ATRNL1: variants seen among roughly 807,000 people sequenced by gnomAD.
The protein encoded by ATRNL1 is attractin-like protein 1.
Under a neutral mutation model 182.7 loss-of-function variants are expected in ATRNL1, and 95 were observed. That is an observed-to-expected ratio of 0.52 (90% CI 0.44 to 0.62). ATRNL1 has a LOEUF of 0.62. Ranked by LOEUF, ATRNL1 falls within the 20% of genes least tolerant of loss-of-function variation. The pLI is 0.00. For synonymous variants in ATRNL1, 576 were observed against 568.3 expected (o/e 1.01, Z -0.19); for missense variants, 1,471 against 1,679.5 (o/e 0.88, Z 2.17).
rs911946410 is a variant in ATRNL1 at position 115,620,109 on chromosome 10, C to G, written c.3795+70573C>G. Among the ~76,000 whole-genome samples the G allele has an allele frequency of 2.0e-5, 3 of 152,198 alleles. No individual in the cohort carries two copies. In the South Asian group the frequency reaches 6.2e-4, roughly 32 times the overall value. ...TTCTGCAGTCTGTAGACGTGTGACA[C>G]TAGCATCTGCTTCTGGTAAAGCCTC... On this transcript the variant is annotated intron_variant, in intron 26 of 28. Transcript: ENST00000355044.
In ATRNL1 at chr10:115,181,577, A is replaced by G. The variant is rs79355134; in HGVS notation, c.1348+10285A>G. Among the ~76,000 whole-genome samples the G allele has an allele frequency of 1.3e-3, 193 of 151,922 alleles. 3 individuals carry two copies. The East Asian group carries it at 0.036, about 28-fold the overall frequency. ...AAATGAAAGATACACTGTGGAATTT[A>G]AATGTTGTTATTTTCTGTGTTCTAA... On this transcript the variant is annotated intron_variant, in intron 8 of 28. Transcript: ENST00000355044.
rs1197538123 is a variant in ATRNL1, at chr10:115,340,471, C to CTTTTTTTTT, written c.3175+6056_3175+6057insTTTTTTTTT. On this transcript the variant is annotated intron_variant, in intron 19 of 28. Transcript: ENST00000355044. ...TCTTTCTTTTTTTTTCTTTTCTTTTCTTTTCTTTTTTTTTTTTTTTGGTGT... is the reference window on the plus strand; with the variant it reads ...TCTTTCTTTTTTTTTCTTTTCTTTTCTTTTTTTTTTTTTCTTTTTTTTTTTTTTTGGTGT... Among the ~76,000 whole-genome samples, 30 of 89,576 alleles carry CTTTTTTTTT rather than the reference C, an allele frequency of 3.3e-4. 1 individual carries two copies. The highest frequency in any genetic ancestry group is 5.5e-4 in the Non-Finnish European group (24 of 43,774). The allele number at this position is 89,576 out of a possible 152,430, so 58.8% of individuals were successfully genotyped here. A position where few individuals can be genotyped will look rare whatever the true frequency, so the allele number is the denominator to read the frequency against.
intron 28 of ATRNL1, among the ~76,000 whole-genome samples, chr10:115,881,072 G>A (rs1293524454): frequency 2.0e-5 from 3 of 152,172 alleles, no homozygotes; most frequent in Non-Finnish European, 4.4e-5. Context: ...TGCCCTCAAT[G>A]CGTGGCCTGT....
chr10:115,206,533 GT>G (rs1848802913), intron 8 of ATRNL1, among the ~76,000 whole-genome samples: 1 of 151,770 alleles, frequency 6.6e-6, no homozygotes, highest in African/African-American at 2.4e-5. Context: ...ATCTATATAG[GT>G]TATAAAGAAC....
intron 20 of ATRNL1, among the ~76,000 whole-genome samples, chr10:115,419,824 G>A (rs1845570498): frequency 6.6e-6 from 1 of 151,896 alleles, no homozygotes; most frequent in African/African-American, 2.4e-5. Context: ...TAATAGTAGG[G>A]GACTTCAACA....
Position 115,397,379 on chromosome 10 carries a change from A to G in ATRNL1, c.3269+2627A>G, listed in dbSNP as rs372864511. ...GGTTTTAAGTATTTAGTCAGATATC[A>G]TATCTTATATATTCTTAATAACCAT... On this transcript the variant is annotated intron_variant, in intron 20 of 28. Coordinates refer to ENST00000355044, the MANE Select transcript of ATRNL1 (RefSeq NM_207303.4). 8.5e-5 allele frequency among the ~76,000 whole-genome samples: 13 copies of G among 152,056 alleles called. No homozygotes were observed. In the South Asian group the frequency reaches 1.7e-3, roughly 19 times the overall value.
At chr10:115,458,245 T>C (rs782208098) in intron 21 of ATRNL1, among the ~76,000 whole-genome samples, 20 of 152,262 alleles carry the variant, frequency 1.3e-4, no homozygotes, top group Middle Eastern at 3.4e-3. Flanking sequence ...AAACACACCA[T>C]CATGATTTTT....
intron 28 of ATRNL1, among the ~76,000 whole-genome samples, chr10:115,931,389 T>A (rs1953389735): frequency 6.6e-6 from 1 of 152,216 alleles, no homozygotes; most frequent in African/African-American, 2.4e-5. Context: ...ATAAGTTTCT[T>A]TTCTTTATTT....
At chr10:115,505,034 GA>G (rs1182054768) in intron 24 of ATRNL1, among the ~76,000 whole-genome samples, 1 of 152,068 alleles carries the variant, frequency 6.6e-6, no homozygotes, top group African/African-American at 2.4e-5. Context: ...CAACTCAGGT[GA>G]AAATCAAATT....
intron 26 of ATRNL1, among the ~76,000 whole-genome samples, chr10:115,613,716 T>G (rs1857283100): frequency 6.6e-6 from 1 of 152,092 alleles, no homozygotes; most frequent in Non-Finnish European, 1.5e-5. Flanking sequence ...TTATATATGT[T>G]TGGGTTTTCT....
intron 10 of ATRNL1, among the ~76,000 whole-genome samples, chr10:115,258,209 A>G (rs1851240560): frequency 6.6e-6 from 1 of 152,082 alleles, no homozygotes; most frequent in Admixed American, 6.5e-5. Context: ...GTGTTTTCCA[A>G]CTTGGTTCCA....
chr10:115,590,373 T>C (rs1555011788), intron 26 of ATRNL1, among the ~76,000 whole-genome samples: 1 of 152,196 alleles, frequency 6.6e-6, no homozygotes, highest in East Asian at 1.9e-4. Flanking sequence ...TTTCTTTCTG[T>C]GTATTAACCT....
chr10:115,402,935 T>C (rs1487086032), intron 20 of ATRNL1, among the ~76,000 whole-genome samples: 1 of 152,132 alleles, frequency 6.6e-6, no homozygotes, highest in African/African-American at 2.4e-5. Context: ...TAATAGTAAA[T>C]TGTGAAATAA....
intron 22 of ATRNL1, among the ~76,000 whole-genome samples, chr10:115,463,127 A>T (rs1236639228): frequency 6.6e-6 from 1 of 151,874 alleles, no homozygotes. Flanking sequence ...GTCTAAATAT[A>T]TTAATACTAT....
intron 25 of ATRNL1, among the ~76,000 whole-genome samples, chr10:115,533,532 G>T (rs1851745588): frequency 6.6e-6 from 1 of 151,774 alleles, no homozygotes; most frequent in Non-Finnish European, 1.5e-5. Flanking sequence ...TATCAATTTT[G>T]TTGATCCTTT....
intron 26 of ATRNL1, among the ~76,000 whole-genome samples, chr10:115,627,983 A>T (rs1389716345): frequency 1.3e-5 from 2 of 151,742 alleles, no homozygotes; most frequent in Non-Finnish European, 2.9e-5. Flanking sequence ...CAGCTCTACT[A>T]AAAAAATACA....
Position 115,442,800 on chromosome 10 carries a change from A to G in ATRNL1, c.3322+16498A>G, listed in dbSNP as rs147247790. On this transcript the variant is annotated intron_variant, in intron 21 of 28. Coordinates refer to ENST00000355044, the MANE Select transcript of ATRNL1 (RefSeq NM_207303.4). ...CTTCTATTAATAGAATGCAAACTCCATAGGAACAAGGCCTTTGATTCCTCA... is the reference window on the plus strand; with the variant it reads ...CTTCTATTAATAGAATGCAAACTCCGTAGGAACAAGGCCTTTGATTCCTCA... 7.1e-3 allele frequency among the ~76,000 whole-genome samples: 1,083 copies of G among 152,230 alleles called. 11 individuals carry two copies. Among genetic ancestry groups the G allele is most frequent in the African/African-American group, 0.024 (983 of 41,566 alleles).
Position 115,467,090 on chromosome 10 carries a change from C to T in ATRNL1, c.3418-84C>T. The T allele has an allele frequency of 4.0e-6, 3 of 741,192 alleles. No individual in the cohort carries two copies. The South Asian group carries it at 4.9e-5, about 12-fold the overall frequency. 45.9% of individuals were successfully genotyped at this position (741,192 alleles called of 1,614,324 possible). On this transcript the variant is annotated intron_variant, in intron 22 of 28. Transcript: ENST00000355044. ...AATCTATAGAGTTTAAGGAATAAAA[C>T]AGACATAATTAAATCAGTAGACTAA... is the stretch of plus-strand genomic sequence containing the variant.
At chr10:115,940,721 A>C (rs1341016857) in intron 28 of ATRNL1, among the ~76,000 whole-genome samples, 7 of 149,628 alleles carry the variant, frequency 4.7e-5, no homozygotes, top group African/African-American at 1.7e-4. Flanking sequence ...TCTTTTAGTG[A>C]GTCTTCCATA....
Sources: allele counts gnomAD v4.1 joint callset (sites outside exome capture counted in the v4.1 genomes callset), GRCh38; gene constraint gnomAD v4.1.1; transcripts MANE v1.5; gene names NCBI Gene and HGNC (gene_info 2026-07-23, HGNC 2026-07-21).